The following USP3 variants were observed in gnomAD, a reference collection of about 807,000 sequenced individuals.
USP3 encodes ubiquitin specific peptidase 3, also known as ubiquitin carboxyl-terminal hydrolase 3.
A neutral mutation model predicts 72.3 loss-of-function variants in USP3; 20 were observed. The observed-to-expected ratio is 0.28, with a 90% confidence interval of 0.19 to 0.40. The LOEUF (loss-of-function observed/expected upper bound fraction) is 0.40. Among genes scored for constraint, USP3 ranks in the 10% least tolerant of loss-of-function variants. The pLI, the probability that USP3 is intolerant of heterozygous loss-of-function variation, is 1.00. For synonymous variants in USP3, 222 were observed against 225.3 expected, an observed-to-expected ratio of 0.99 and a Z score of 0.13; for missense variants, 479 against 633.9, an observed-to-expected ratio of 0.76 and a Z score of 2.62.
rs2066465939 is a variant in USP3 at position 63,553,590 on chromosome 15, T to TA, written c.285-124dup. 2.7e-6 allele frequency: 2 copies of TA among 732,774 alleles called. No individual in the cohort carries two copies. Among genetic ancestry groups the TA allele is most frequent in the Non-Finnish European group, 2.0e-6 (1 of 496,548 alleles). The allele number at this position is 732,774 out of a possible 1,614,324, so 45.4% of individuals were successfully genotyped here. A position where few individuals can be genotyped will look rare whatever the true frequency, so the allele number is the denominator to read the frequency against. ...GTGAATTCCAGGTCCTCTTTAAACTTACCACCAGCAGTAACTGCCTGCAGA... is the reference window on the plus strand; with the variant it reads ...GTGAATTCCAGGTCCTCTTTAAACTTAACCACCAGCAGTAACTGCCTGCAGA... On this transcript the variant is annotated intron_variant, in intron 3 of 14. Transcript: ENST00000380324. The surrounding 1 kb of genome is among the most constrained non-coding windows in gnomAD (Gnocchi z 4.2).
At chr15:63,548,093 A>G (rs1166210127) in intron 3 of USP3, among the ~76,000 whole-genome samples, 2 of 145,830 alleles carry the variant, frequency 1.4e-5, no homozygotes, top group Non-Finnish European at 3.0e-5. Context: ...CCTGGGTGAC[A>G]GAATGAGACC....
intron 11 of USP3, among the ~76,000 whole-genome samples, chr15:63,585,899 T>C (rs1039283683): frequency 2.0e-5 from 3 of 152,162 alleles, no homozygotes; most frequent in African/African-American, 4.8e-5. Context: ...TAATAAACTT[T>C]AGAGTAATTT....
At chr15:63,568,969 C>T (rs2066737385) in intron 8 of USP3, among the ~76,000 whole-genome samples, 1 of 152,158 alleles carries the variant, frequency 6.6e-6, no homozygotes, top group Non-Finnish European at 1.5e-5. Flanking sequence ...CATTAATGTA[C>T]ACGAGGCACA....
chr15:63,537,936 C>T (rs939694194), intron 3 of USP3, among the ~76,000 whole-genome samples: 7 of 151,838 alleles, frequency 4.6e-5, no homozygotes, highest in East Asian at 1.9e-4. Flanking sequence ...TTGCCTGCCT[C>T]GGCCTCCTAA....
At chr15:63,548,711 T>C (rs1441492343) in intron 3 of USP3, among the ~76,000 whole-genome samples, 1 of 152,098 alleles carries the variant, frequency 6.6e-6, no homozygotes, top group East Asian at 1.9e-4. Flanking sequence ...TTTTTCTTTC[T>C]TTTTTTGAGA....
intron 3 of USP3, among the ~76,000 whole-genome samples, chr15:63,549,067 T>G (rs2066398583): frequency 6.6e-6 from 1 of 152,248 alleles, no homozygotes; most frequent in African/African-American, 2.4e-5. Flanking sequence ...CTTTTGATTG[T>G]ACATTTTTTT....
At chr15:63,516,157 T>C (rs961989804) in intron 1 of USP3, among the ~76,000 whole-genome samples, 3 of 152,246 alleles carry the variant, frequency 2.0e-5, no homozygotes, top group Admixed American at 6.5e-5. Context: ...AATTGCTTAG[T>C]TTACCTTAGA....
chr15:63,532,216 C>T (rs1240480478), intron 1 of USP3, among the ~76,000 whole-genome samples: 1 of 152,150 alleles, frequency 6.6e-6, no homozygotes, highest in African/African-American at 2.4e-5. Flanking sequence ...TATGTTGTGC[C>T]TCTTAGTAAA....
At chr15:63,525,915 A>T (rs936962602) in intron 1 of USP3, among the ~76,000 whole-genome samples, 8 of 152,164 alleles carry the variant, frequency 5.3e-5, no homozygotes, top group African/African-American at 1.9e-4. Flanking sequence ...ACTGCTGCAA[A>T]ATTTCAAAAT....
At chr15:63,577,765 AAAT>A (rs1488815838) in intron 11 of USP3, among the ~76,000 whole-genome samples, 1 of 151,726 alleles carries the variant, frequency 6.6e-6, no homozygotes, top group Non-Finnish European at 1.5e-5. Context: ...TAAATAAATA[AAAT>A]AATAAGAAAA....
intron 11 of USP3, among the ~76,000 whole-genome samples, chr15:63,584,827 T>C (rs1361751098): frequency 6.6e-6 from 1 of 152,254 alleles, no homozygotes. Flanking sequence ...ATCAAAATCA[T>C]TGCCAAATCT....
rs2067158187 is a variant in USP3, at chr15:63,589,957, C to CTA, written c.1398-702_1398-701dup. ...AGCCTATTCTTGTTTTATGATTGCACTATCTTTTTGAAACTATTAGCACTA... is the reference window on the plus strand; with the variant it reads ...AGCCTATTCTTGTTTTATGATTGCACTATATCTTTTTGAAACTATTAGCACTA... On this transcript the variant is annotated intron_variant, in intron 14 of 14. Transcript: ENST00000380324. 3.3e-5 allele frequency among the ~76,000 whole-genome samples: 4 copies of CTA among 121,080 alleles called. No individual in the cohort carries two copies. The South Asian group carries it at 9.3e-4, about 28-fold the overall frequency. 79.4% of individuals were successfully genotyped at this position (121,080 alleles called of 152,430 possible). A position where few individuals can be genotyped will look rare whatever the true frequency, so the allele number is the denominator to read the frequency against.
chr15:63,559,035 A>G (rs142287044), intron 6 of USP3, among the ~76,000 whole-genome samples: 1 of 152,292 alleles, frequency 6.6e-6, no homozygotes, highest in African/African-American at 2.4e-5. Flanking sequence ...TATTTCAGTC[A>G]TTAGTTAAGT....
At chr15:63,584,316 C>G (rs1158904771) in intron 11 of USP3, among the ~76,000 whole-genome samples, 2 of 152,090 alleles carry the variant, frequency 1.3e-5, no homozygotes, top group East Asian at 1.9e-4. Flanking sequence ...CCATGATGGT[C>G]TCGATCCTCC....
At chr15:63,512,388 CTTCT>C (rs1231063353) in intron 1 of USP3, among the ~76,000 whole-genome samples, 9 of 147,466 alleles carry the variant, frequency 6.1e-5, no homozygotes, top group Non-Finnish European at 1.5e-5. Context: ...CTTTCTTTTT[CTTCT>C]TTCTTCCTTC....
Position 63,570,600 on chromosome 15 carries a change from G to GT in USP3, c.908+27dup. 1.3e-6 allele frequency: 2 copies of GT among 1,593,866 alleles called. No homozygotes were observed. The highest frequency in any genetic ancestry group is 1.7e-6 in the Non-Finnish European group (2 of 1,169,890). On this transcript the variant is annotated intron_variant, in intron 9 of 14. Transcript: ENST00000380324. This position sits in a 1 kb window ranked among gnomAD's most constrained non-coding sequence, Gnocchi z 4.4. ...TGCATGTAAGATTTAGTTGCCTTCTGTTTTTTAGGAGGGCCTCAGACATTT... is the reference window on the plus strand; with the variant it reads ...TGCATGTAAGATTTAGTTGCCTTCTGTTTTTTTAGGAGGGCCTCAGACATTT...
chr15:63,559,034 C>T (rs976228075), intron 6 of USP3, among the ~76,000 whole-genome samples: 3 of 152,150 alleles, frequency 2.0e-5, no homozygotes, highest in African/African-American at 4.8e-5. Context: ...TTATTTCAGT[C>T]ATTAGTTAAG....
intron 8 of USP3, among the ~76,000 whole-genome samples, chr15:63,563,637 A>G (rs1364088617): frequency 6.6e-6 from 1 of 152,186 alleles, no homozygotes; most frequent in Non-Finnish European, 1.5e-5. Flanking sequence ...TTCGGGTGAT[A>G]GCAGCTTTGA....
chr15:63,558,752 C>G lies in USP3; in HGVS notation c.533+564C>G, dbSNP rs527922235. 1.5e-4 allele frequency among the ~76,000 whole-genome samples: 23 copies of G among 152,096 alleles called. No homozygotes were observed. In the South Asian group the frequency reaches 4.8e-3, roughly 32 times the overall value. On this transcript the variant is annotated intron_variant, in intron 6 of 14. Transcript: ENST00000380324. Reference sequence around the variant, plus strand: ...TAGCTGGGCGTGGTGGCATGCGCCTCTAGTCCCAGCTGCTTGGGAGGCTGA... The same window carrying G: ...TAGCTGGGCGTGGTGGCATGCGCCTGTAGTCCCAGCTGCTTGGGAGGCTGA...
Sources: allele counts gnomAD v4.1 joint callset (sites outside exome capture counted in the v4.1 genomes callset), GRCh38; gene constraint gnomAD v4.1.1; non-coding constraint Gnocchi (gnomAD v3.1); transcripts MANE v1.5; gene names NCBI Gene and HGNC (gene_info 2026-07-23, HGNC 2026-07-21).